Variants in GHRHR observed in about 807,000 individuals in gnomAD.
GHRHR encodes growth hormone-releasing hormone receptor.
In GHRHR, 40 loss-of-function variants were observed where a neutral mutation model predicts 58.3. The observed-to-expected ratio is 0.69, with a 90% CI of 0.53 to 0.89. The LOEUF is 0.89. GHRHR is among the 40% of genes least tolerant of loss of function. GHRHR has a pLI of 0.00. For missense variants in GHRHR, 551 were observed against 541.3 expected (o/e 1.02, Z -0.18); for synonymous variants, 249 against 216.6 (o/e 1.15, Z -1.31).
intron 8 of GHRHR, 22 bp downstream of exon 8, chr7:30,974,511 G>A (rs375167526): frequency 6.4e-7 from 1 of 1,564,238 alleles, no homozygotes; most frequent in Non-Finnish European, 8.8e-7. Context: ...CGGCCACCTT[G>A]TCATACCCGC....
chr7:30,976,736 G>C (rs1792592717), intron 11 of GHRHR, among the ~76,000 whole-genome samples, 178 bp downstream of exon 11: 1 of 151,986 alleles, frequency 6.6e-6, no homozygotes, highest in South Asian at 2.1e-4. Flanking sequence ...AACTACCCAT[G>C]CATTCTTCCA....
At chr7:30,976,988 A>G in intron 11 of GHRHR, among the ~76,000 whole-genome samples, 1 of 151,324 alleles carries the variant, frequency 6.6e-6, no homozygotes, top group East Asian at 1.9e-4. Context: ...AATCTATTCA[A>G]CTCTTACTGA....
At chr7:30,971,780 G>A (rs895494668) in intron 5 of GHRHR, among the ~76,000 whole-genome samples, 183 bp from the exon 6 acceptor site, 1 of 152,152 alleles carries the variant, frequency 6.6e-6, no homozygotes, top group Non-Finnish European at 1.5e-5. Flanking sequence ...CTGAGCACAG[G>A]AATGGTTGCT....
chr7:30,971,382 A>G (rs1792477806), intron 5 of GHRHR, among the ~76,000 whole-genome samples, 166 bp downstream of exon 5: 1 of 152,072 alleles, frequency 6.6e-6, no homozygotes, highest in African/African-American at 2.4e-5. Flanking sequence ...CCATCTCTTC[A>G]AACACCAGAA....
At chr7:30,967,633 T>TTGTC (rs985527790) in intron 1 of GHRHR, among the ~76,000 whole-genome samples, 1 of 90,686 alleles carries the variant, frequency 1.1e-5, no homozygotes, top group South Asian at 3.4e-4. Flanking sequence ...AGCCATATAT[T>TTGTC]TGTCTGTCTG....
chr7:30,970,032 T>C, intron 4 of GHRHR, 68 bp downstream of exon 4: 1 of 791,226 alleles, frequency 1.3e-6, no homozygotes, highest in Non-Finnish European at 2.3e-6. Flanking sequence ...TGCACAACTG[T>C]AGGGGCCGCC....
intron 7 of GHRHR, 50 bp from the exon 8 acceptor site, chr7:30,974,377 CAG>C (rs1222184880): frequency 4.4e-5 from 60 of 1,356,930 alleles, no homozygotes; most frequent in Non-Finnish European, 6.0e-5. Flanking sequence ...CGCCAGATCT[CAG>C]AGTCAAGGAT....
At chr7:30,977,834 AAG>A (rs779666613) in intron 12 of GHRHR, among the ~76,000 whole-genome samples, 8 of 152,196 alleles carry the variant, frequency 5.3e-5, no homozygotes, top group African/African-American at 7.2e-5. Flanking sequence ...CAGACACACA[AAG>A]AGAGTGGACA....
intron 10 of GHRHR, chr7:30,976,077 T>C (rs1285496047): frequency 5.0e-6 from 3 of 600,594 alleles, no homozygotes; most frequent in Non-Finnish European, 9.0e-6. Flanking sequence ...CCATGCCAAA[T>C]AGAACGATGA....
chr7:30,970,344 G>A (rs1329456124), intron 4 of GHRHR, among the ~76,000 whole-genome samples: 1 of 152,140 alleles, frequency 6.6e-6, no homozygotes, highest in Non-Finnish European at 1.5e-5. Flanking sequence ...GTGCATGGTT[G>A]CGATGTGGGC....
At chr7:30,977,209 G>A in intron 11 of GHRHR, 72 bp from the exon 12 acceptor site, 14 of 1,396,816 alleles carry the variant, frequency 1.0e-5, no homozygotes, top group Non-Finnish European at 1.2e-5. Context: ...GGAAAAGGTA[G>A]CAGAAAGACG....
chr7:30,969,301 G>C, intron 3 of GHRHR, 131 bp downstream of exon 3: 1 of 708,914 alleles, frequency 1.4e-6, no homozygotes. Context: ...GGTGACCTCG[G>C]GCCAGTCAGT....
chr7:30,970,906 C>A lies in GHRHR; in HGVS notation c.367-213C>A, dbSNP rs1792467431. On this transcript the variant is annotated intron_variant, in intron 4 of 12. Coordinates refer to ENST00000326139, the MANE Select transcript of GHRHR (RefSeq NM_000823.4). The stretch of plus-strand genomic sequence containing the variant: ...TAAGCATCTCCACTCCTCGCCACTA[C>A]CCCTCCCTCACCCGCAGGTCAGGTG... 29 of 629,714 alleles carry A rather than the reference C, an allele frequency of 4.6e-5. No individual in the cohort carries two copies. In the South Asian group the frequency reaches 5.2e-4, roughly 11 times the overall value. 39.0% of individuals were successfully genotyped at this position (629,714 alleles called of 1,614,324 possible).
At chr7:30,965,022 G>C (rs2128596314) in intron 1 of GHRHR, among the ~76,000 whole-genome samples, 1 of 152,314 alleles carries the variant, frequency 6.6e-6, no homozygotes, top group East Asian at 1.9e-4. Context: ...CATGAAACTA[G>C]CCGTGTGAAC....
rs1584415697 is a variant in GHRHR, at chr7:30,975,050, T to C, written c.882+10T>C. On this transcript the variant is annotated intron_variant, in intron 9 of 12. Transcript: ENST00000326139. ...TGTCCTCTCGGTCGGGGTCAGTCCC[T>C]GGGCCAGTGCCCTTTGCTTTATTCA... The C allele has an allele frequency of 1.9e-6, 3 of 1,586,730 alleles. No individual in the cohort carries two copies. Among genetic ancestry groups the C allele is most frequent in the Admixed American group, 1.7e-5 (1 of 59,996 alleles).
intron 11 of GHRHR, among the ~76,000 whole-genome samples, chr7:30,976,866 AC>A (rs1464865187): frequency 1.5e-5 from 2 of 131,538 alleles, no homozygotes; most frequent in Non-Finnish European, 3.2e-5. Context: ...CTAACCACCT[AC>A]CCACCCACCC....
chr7:30,966,657 T>C (rs899576622), intron 1 of GHRHR, among the ~76,000 whole-genome samples: 2 of 152,050 alleles, frequency 1.3e-5, no homozygotes, highest in East Asian at 1.9e-4. Flanking sequence ...TTTTTTGTTT[T>C]TCTGAGATGG....
intron 5 of GHRHR, 107 bp from the exon 6 acceptor site, chr7:30,971,856 T>A: frequency 3.0e-6 from 3 of 993,034 alleles, no homozygotes; most frequent in Non-Finnish European, 4.8e-6. Context: ...TTTGATTGCA[T>A]CCAGTTTGAT....
intron 7 of GHRHR, 59 bp from the exon 8 acceptor site, chr7:30,974,370 C>A (rs1200129411): frequency 7.7e-7 from 1 of 1,304,028 alleles, no homozygotes; most frequent in Non-Finnish European, 1.1e-6. Context: ...GAGGTGGCGC[C>A]AGATCTCAGA....
Sources: allele counts gnomAD v4.1 joint callset (sites outside exome capture counted in the v4.1 genomes callset), GRCh38; gene constraint gnomAD v4.1.1; transcripts MANE v1.5; gene names NCBI Gene and HGNC (gene_info 2026-07-23, HGNC 2026-07-21).